Variants in KCNMA1 observed in about 807,000 individuals in gnomAD.
The protein encoded by KCNMA1 is Calcium-activated potassium channel subunit alpha-1.
A neutral mutation model predicts 140.0 loss-of-function variants in KCNMA1; 29 were observed. The ratio of observed to expected loss-of-function variants is 0.21; its 90% CI spans 0.15 to 0.28. The LOEUF (loss-of-function observed/expected upper bound fraction) is 0.28, where lower values mean the gene tolerates loss of function less well. Among genes scored for constraint, KCNMA1 ranks in the 10% least tolerant of loss-of-function variants. The pLI is 1.00. For synonymous variants in KCNMA1, 612 were observed against 611.9 expected (o/e 1.00, Z 0.00); for missense variants, 880 against 1,602.2 (o/e 0.55, Z 7.70).
intron 8 of KCNMA1, among the ~76,000 whole-genome samples, chr10:77,109,642 A>G (rs765345301): frequency 6.6e-6 from 1 of 152,188 alleles, no homozygotes; most frequent in Non-Finnish European, 1.5e-5. Flanking sequence ...CTCTGCTCAC[A>G]TGGGGATGTC....
chr10:77,506,596 A>AGAGAGAGAGAGAGTGTGTGTGTGT lies in KCNMA1; in HGVS notation c.379-102574_379-102573insACACACACACACTCTCTCTCTCTC. ...TAGAGAGAGAGAGAGAGAGAGAGAG[A>AGAGAGAGAGAGAGTGTGTGTGTGT]GTGTGTGTGTGTGTGTGTGTGTGTT... On this transcript the variant is annotated intron_variant, in intron 1 of 27. Transcript: ENST00000286628. Among the ~76,000 whole-genome samples, 11 of 83,568 alleles carry AGAGAGAGAGAGAGTGTGTGTGTGT rather than the reference A, an allele frequency of 1.3e-4. 1 individual carries two copies. The highest frequency in any genetic ancestry group is 8.2e-4 in the African/African-American group (11 of 13,412). 54.8% of individuals were successfully genotyped at this position (83,568 alleles called of 152,430 possible).
intron 5 of KCNMA1, among the ~76,000 whole-genome samples, chr10:77,155,837 A>G (rs2098477005): frequency 6.6e-6 from 1 of 152,200 alleles, no homozygotes; most frequent in South Asian, 2.1e-4. Context: ...TGAAACAATT[A>G]CATAACTAAG....
intron 1 of KCNMA1, among the ~76,000 whole-genome samples, chr10:77,475,883 A>C (rs1249722189): frequency 6.6e-6 from 1 of 152,222 alleles, no homozygotes; most frequent in Non-Finnish European, 1.5e-5. Flanking sequence ...AGGGTCTCAC[A>C]GTGAGGCTCT....
chr10:77,460,531 G>GCACACACACA (rs59284219), intron 1 of KCNMA1, among the ~76,000 whole-genome samples: 4 of 147,918 alleles, frequency 2.7e-5, no homozygotes, highest in African/African-American at 9.9e-5. Context: ...GTACACACGT[G>GCACACACACA]CACACACACA....
intron 3 of KCNMA1, among the ~76,000 whole-genome samples, chr10:77,244,516 G>A (rs948835883): frequency 6.6e-6 from 1 of 152,198 alleles, no homozygotes; most frequent in Non-Finnish European, 1.5e-5. Context: ...ATGTGGAAGG[G>A]AGAAGGAGGA....
chr10:77,302,718 T>G (rs1467645983), intron 2 of KCNMA1, among the ~76,000 whole-genome samples: 5 of 152,018 alleles, frequency 3.3e-5, no homozygotes, highest in Non-Finnish European at 7.4e-5. Context: ...GTCCAGGGTT[T>G]TTATGGGCTC....
intron 18 of KCNMA1, chr10:77,008,247 G>C (rs2089695822): frequency 6.7e-7 from 1 of 1,497,186 alleles, no homozygotes; most frequent in Non-Finnish European, 8.9e-7. Flanking sequence ...GCAGCAAAGA[G>C]AAAAAAAATA....
At chr10:77,059,850 G>T (rs2095672035) in intron 14 of KCNMA1, among the ~76,000 whole-genome samples, 1 of 152,124 alleles carries the variant, frequency 6.6e-6, no homozygotes, top group South Asian at 2.1e-4. Context: ...TCTGCAAGAA[G>T]TGCTAGCCGG....
At chr10:77,375,678 G>T (rs2095050457) in intron 2 of KCNMA1, among the ~76,000 whole-genome samples, 1 of 152,242 alleles carries the variant, frequency 6.6e-6, no homozygotes, top group Non-Finnish European at 1.5e-5. Context: ...AGAAGGACTT[G>T]CTGCTCAGCT....
At chr10:77,552,623 C>T (rs950429848) in intron 1 of KCNMA1, among the ~76,000 whole-genome samples, 9 of 152,180 alleles carry the variant, frequency 5.9e-5, no homozygotes, top group Admixed American at 6.5e-5. Context: ...GGACTTAATA[C>T]CACAGAGGGC....
At chr10:77,431,779 C>T (rs909271470) in intron 1 of KCNMA1, among the ~76,000 whole-genome samples, 7 of 150,010 alleles carry the variant, frequency 4.7e-5, no homozygotes, top group African/African-American at 9.8e-5. Flanking sequence ...GGATGGATCA[C>T]GAGGTTAGGA....
At chr10:77,167,269 C>T (rs185723557) in intron 5 of KCNMA1, among the ~76,000 whole-genome samples, 27 of 152,234 alleles carry the variant, frequency 1.8e-4, no homozygotes, top group Non-Finnish European at 3.7e-4. Flanking sequence ...ACACAACGAC[C>T]TCCAGTTCCA....
chr10:77,007,608 G>A (rs2089292792), intron 18 of KCNMA1, among the ~76,000 whole-genome samples: 3 of 134,654 alleles, frequency 2.2e-5, no homozygotes. Flanking sequence ...TTACATATAA[G>A]AATGTACATA....
At chr10:77,152,127 A>G (rs1453915606) in intron 5 of KCNMA1, among the ~76,000 whole-genome samples, 1 of 152,138 alleles carries the variant, frequency 6.6e-6, no homozygotes, top group Admixed American at 6.5e-5. Flanking sequence ...TGTCTTTTTC[A>G]TCTTGTCATC....
chr10:77,460,072 T>C (rs970745940), intron 1 of KCNMA1, among the ~76,000 whole-genome samples: 1 of 152,232 alleles, frequency 6.6e-6, no homozygotes, highest in African/African-American at 2.4e-5. Context: ...CCATAGGCAA[T>C]ATGTAAACAA....
intron 19 of KCNMA1, among the ~76,000 whole-genome samples, chr10:76,976,164 C>T (rs1251008807): frequency 2.6e-5 from 4 of 152,218 alleles, no homozygotes; most frequent in South Asian, 4.1e-4. Context: ...TCTAAGTGAC[C>T]TGTACTGCCC....
intron 1 of KCNMA1, among the ~76,000 whole-genome samples, chr10:77,432,264 C>A (rs75821820): frequency 1.3e-5 from 2 of 152,204 alleles, no homozygotes; most frequent in Non-Finnish European, 2.9e-5. Context: ...TGTTCCTTCA[C>A]TTAATCAGTC....
At chr10:76,908,400 C>CA (rs1230459382) in intron 25 of KCNMA1, among the ~76,000 whole-genome samples, 2 of 152,234 alleles carry the variant, frequency 1.3e-5, no homozygotes, top group African/African-American at 2.4e-5. Flanking sequence ...CATGGCATGG[C>CA]ATGAAGCCCA....
intron 1 of KCNMA1, among the ~76,000 whole-genome samples, chr10:77,513,360 C>G (rs776712051): frequency 6.6e-6 from 1 of 152,202 alleles, no homozygotes; most frequent in Admixed American, 6.5e-5. Context: ...CATCATCTCA[C>G]GCTATTGTCT....
Sources: allele counts gnomAD v4.1 joint callset (sites outside exome capture counted in the v4.1 genomes callset), GRCh38; gene constraint gnomAD v4.1.1; transcripts MANE v1.5; gene names NCBI Gene and HGNC (gene_info 2026-07-23, HGNC 2026-07-21).